Variants in TMEM94 observed in about 807,000 individuals in gnomAD.
TMEM94 encodes the protein transmembrane protein 94.
A neutral mutation model predicts 158.6 loss-of-function variants in TMEM94; 81 were observed. The observed-to-expected ratio is 0.51, with a 90% CI of 0.43 to 0.61. The LOEUF (loss-of-function observed/expected upper bound fraction) is 0.61, where lower values mean the gene tolerates loss of function less well. Ranked by LOEUF, TMEM94 falls within the 20% of genes least tolerant of loss-of-function variation. The probability of loss-of-function intolerance (pLI) is 0.00; values close to 1 mark genes in which losing one functional copy is unlikely to be tolerated. For synonymous variants in TMEM94, 751 were observed against 730.7 expected (o/e 1.03, Z -0.45); for missense variants, 1,435 against 1,762.0 (o/e 0.81, Z 3.32).
rs4078259 is a variant in TMEM94 at position 75,492,713 on chromosome 17, C to T, written c.1836C>T (p.Ile612=). The T allele has an allele frequency of 0.81, 1,304,454 of 1,612,260 alleles. 537,297 individuals are homozygous for T. The highest frequency in any genetic ancestry group is 0.85 in the Non-Finnish European group (1,003,359 of 1,179,894). ...LCRFSDHLCN[I]ALQESHSAVL... ...GATTCTCCGACCACCTGTGCAACAT[C>T]GCCCTGCAAGAGAGCCACAGCGCCG... Residue 612 remains isoleucine (I), a synonymous_variant, in exon 15 of 32, where the codon ATC becomes ATT. Coordinates refer to ENST00000314256, the MANE Select transcript of TMEM94 (RefSeq NM_014738.6). The surrounding 1 kb of genome is among the most constrained non-coding windows in gnomAD (Gnocchi z 4.4).
chr17:75,478,708 G>A (rs922708432), intron 2 of TMEM94, among the ~76,000 whole-genome samples: 8 of 152,178 alleles, frequency 5.3e-5, no homozygotes, highest in Non-Finnish European at 7.3e-5. Context: ...CCTTAGAGCC[G>A]TGTTATTTTC....
In TMEM94 at chr17:75,493,828, C is replaced by T. The variant is rs537704151; in HGVS notation, c.2319C>T (p.Pro773=). The change falls in exon 18 of 32, where the codon CCC becomes CCT. Residue 773 remains proline (P), a synonymous_variant. Transcript: ENST00000314256. The part of the protein sequence containing the change: ...NGKCIELVQV[P]GQSSIFTMCE... The stretch of plus-strand genomic sequence containing the variant: ...AGTGCATCGAGCTGGTACAGGTGCC[C>T]GGCCAAAGCAGCATCTTCACCATGT... 6.1e-5 allele frequency: 98 copies of T among 1,613,756 alleles called. 1 individual carries two copies. In the South Asian group the frequency reaches 6.6e-4, roughly 11 times the overall value.
chr17:75,476,757 C>G, intron 2 of TMEM94: 1 of 1,535,702 alleles, frequency 6.5e-7, no homozygotes, highest in Admixed American at 2.0e-5. Context: ...AGTATGCTGG[C>G]AGGGCTTTTA....
rs996935030 is a variant in TMEM94 at position 75,492,090 on chromosome 17, T to A, written c.1596+190T>A. 3 of 766,008 alleles carry A rather than the reference T, an allele frequency of 3.9e-6. No homozygotes were observed. Among genetic ancestry groups the A allele is most frequent in the Admixed American group, 2.9e-5 (1 of 34,272 alleles). The allele number at this position is 766,008 out of a possible 1,614,324, so 47.5% of individuals were successfully genotyped here. On this transcript the variant is annotated intron_variant, in intron 14 of 31. Transcript: ENST00000314256. This position sits in a 1 kb window ranked among gnomAD's most constrained non-coding sequence, Gnocchi z 4.4. Reference sequence around the variant, plus strand: ...CTGCGAAGTAGGTGGAGCCTCCCCCTACCCTTCCATTCTTGTAATCGCAAT... The same window carrying A: ...CTGCGAAGTAGGTGGAGCCTCCCCCAACCCTTCCATTCTTGTAATCGCAAT...
chr17:75,486,194 A>T, intron 4 of TMEM94, 96 bp from the exon 5 acceptor site: 1 of 1,550,004 alleles, frequency 6.5e-7, no homozygotes, highest in Non-Finnish European at 8.8e-7. Flanking sequence ...GTCTTTCCAC[A>T]AGGGACTGGG....
chr17:75,490,845 A>C, intron 11 of TMEM94, 87 bp downstream of exon 11: 7 of 1,308,546 alleles, frequency 5.3e-6, no homozygotes, highest in Non-Finnish European at 7.7e-6. Flanking sequence ...TAAAGCCTCC[A>C]ACCAGGCTCT....
chr17:75,498,965 G>C lies in TMEM94; in HGVS notation c.3881G>C (p.Arg1294Thr). 5 of 1,592,268 alleles carry C rather than the reference G, an allele frequency of 3.1e-6. No homozygotes were observed. The highest frequency in any genetic ancestry group is 4.3e-6 in the Non-Finnish European group (5 of 1,168,994). ...GTGGACCTGCAGCTGTGGACACACA[G>C]GGACAGCCACGTCCACTTTGGCCTG... ...TAVDLQLWTH[R>T]DSHVHFGLED... The change falls in exon 31 of 32, where the codon AGG becomes ACG. Residue 1294 changes from arginine (R) to threonine (T), a missense_variant. By Grantham distance (71) the Arg-to-Thr change is moderately conservative (BLOSUM62 -1). Transcript: ENST00000314256. The surrounding 1 kb of genome is among the most constrained non-coding windows in gnomAD (Gnocchi z 6.7).
In TMEM94 at chr17:75,485,501, T is replaced by G. The variant is rs964237531; in HGVS notation, c.98T>G (p.Val33Gly). Residue 33 changes from valine (V) to glycine (G), a missense_variant, in exon 3 of 32, where the codon GTG becomes GGG. Physicochemically the swap from Val to Gly is moderately radical, Grantham distance 109 (BLOSUM62 -3). Transcript: ENST00000314256. This position sits in a 1 kb window ranked among gnomAD's most constrained non-coding sequence, Gnocchi z 5.5. ...GTCCTGAAGGAGCAGCTGGAGGCAG[T>G]GCTGGAAGGACATCTCAGGGAGCGG... ...LSVLKEQLEA[V>G]LEGHLRERKK... 1.4e-5 allele frequency: 23 copies of G among 1,614,010 alleles called. No homozygotes were observed. Among genetic ancestry groups the G allele is most frequent in the Non-Finnish European group, 1.8e-5 (21 of 1,180,022 alleles).
intron 2 of TMEM94, among the ~76,000 whole-genome samples, chr17:75,480,568 C>G (rs2051081853): frequency 6.6e-6 from 1 of 152,204 alleles, no homozygotes; most frequent in South Asian, 2.1e-4. Context: ...AATGAGGCAG[C>G]AGGTGTCAGG....
chr17:75,456,867 A>C (rs2049907623), intron 1 of TMEM94, 116 bp downstream of exon 1: 1 of 152,344 alleles, frequency 6.6e-6, no homozygotes, highest in African/African-American at 2.4e-5. Flanking sequence ...CTGCACCCAG[A>C]GAACGGCTTA....
intron 6 of TMEM94, among the ~76,000 whole-genome samples, chr17:75,488,343 C>T (rs377468704): frequency 6.0e-4 from 92 of 152,302 alleles, no homozygotes; most frequent in African/African-American, 2.2e-3. Flanking sequence ...GTGGCACGAT[C>T]TCAACTCACT....
chr17:75,469,347 T>A lies in TMEM94; in HGVS notation c.-106-2453T>A, dbSNP rs1049308163. Among the ~76,000 whole-genome samples the A allele has an allele frequency of 9.3e-4, 5 of 5,396 alleles. No individual in the cohort carries two copies. In the African/African-American group the frequency reaches 0.027, roughly 29 times the overall value. The allele number at this position is 5,396 out of a possible 152,430, so 3.5% of individuals were successfully genotyped here. ...GTTAAGGCTAACCTTAACCCTAAATTTTTTTTTTTTTTTTTTGAGACCGAG... is the reference window on the plus strand; with the variant it reads ...GTTAAGGCTAACCTTAACCCTAAATATTTTTTTTTTTTTTTTGAGACCGAG... On this transcript the variant is annotated intron_variant, in intron 1 of 31. Transcript: ENST00000314256.
At chr17:75,494,568 G>A in intron 18 of TMEM94, 59 bp from the exon 19 acceptor site, 3 of 1,565,390 alleles carry the variant, frequency 1.9e-6, no homozygotes, top group Non-Finnish European at 2.6e-6. Flanking sequence ...TGTGTGTGTG[G>A]CCCTGGGCTG....
intron 6 of TMEM94, 56 bp from the exon 7 acceptor site, chr17:75,488,703 A>G: frequency 6.3e-7 from 1 of 1,596,302 alleles, no homozygotes; most frequent in Non-Finnish European, 8.6e-7. Flanking sequence ...ATTGTCCAGG[A>G]AGAGTGGCCT....
At chr17:75,476,336 G>A (rs979775569) in intron 2 of TMEM94, among the ~76,000 whole-genome samples, 6 of 152,116 alleles carry the variant, frequency 3.9e-5, no homozygotes, top group Admixed American at 1.3e-4. Flanking sequence ...TGAAGAACAG[G>A]CCAAGCTCCT....
Position 75,498,166 on chromosome 17 carries a change from T to G in TMEM94, c.3490-9T>G. ...TGCGCCCCAGGAGTGACTGGCCTTG[T>G]TCCCGCAGACCCAGCACTACTTCCT... On this transcript the variant is annotated splice_polypyrimidine_tract_variant and intron_variant, in intron 27 of 31. Coordinates refer to ENST00000314256, the MANE Select transcript of TMEM94 (RefSeq NM_014738.6). This position sits in a 1 kb window ranked among gnomAD's most constrained non-coding sequence, Gnocchi z 6.7. 1 of 1,613,746 alleles carries G rather than the reference T, an allele frequency of 6.2e-7. No homozygotes were observed. Among genetic ancestry groups the G allele is most frequent in the Non-Finnish European group, 8.5e-7 (1 of 1,179,968 alleles).
At chr17:75,497,636 G>C (rs963974008) in intron 26 of TMEM94, 145 bp from the exon 27 acceptor site, 3 of 641,312 alleles carry the variant, frequency 4.7e-6, no homozygotes, top group Admixed American at 2.5e-5. Context: ...TTACAGGTGT[G>C]AGCCACTGCC....
At chr17:75,472,286 T>G (rs975724897) in intron 2 of TMEM94, among the ~76,000 whole-genome samples, 2 of 152,230 alleles carry the variant, frequency 1.3e-5, no homozygotes, top group Non-Finnish European at 2.9e-5. Flanking sequence ...TGAGGGCTAT[T>G]GGGCACCTCC....
chr17:75,478,003 C>CTTTTTT (rs909668190), intron 2 of TMEM94, among the ~76,000 whole-genome samples: 950 of 57,926 alleles, frequency 0.016, 193 homozygotes, highest in African/African-American at 0.048. Context: ...GAGACTCCAT[C>CTTTTTT]TTTTTTTTTT....
Sources: allele counts gnomAD v4.1 joint callset (sites outside exome capture counted in the v4.1 genomes callset), GRCh38; gene constraint gnomAD v4.1.1; non-coding constraint Gnocchi (gnomAD v3.1); transcripts MANE v1.5; gene names NCBI Gene and HGNC (gene_info 2026-07-23, HGNC 2026-07-21).